CDH13: variants seen among roughly 807,000 people sequenced by gnomAD.
The protein encoded by CDH13 is cadherin-13.
In CDH13, 24 loss-of-function variants were observed where a neutral mutation model predicts 63.8. That is an observed-to-expected ratio of 0.38 (90% CI 0.27 to 0.53). The LOEUF (loss-of-function observed/expected upper bound fraction) is 0.53, where lower values mean the gene tolerates loss of function less well. Ranked by LOEUF, CDH13 falls within the 20% of genes least tolerant of loss-of-function variation. CDH13 has a pLI of 0.85. For synonymous variants in CDH13, 503 were observed against 355.3 expected, an observed-to-expected ratio of 1.42 and a Z score of -4.67; for missense variants, 1,049 against 903.1, an observed-to-expected ratio of 1.16 and a Z score of -2.07.
chr16:83,083,411 A>C (rs551293301), intron 3 of CDH13, among the ~76,000 whole-genome samples: 1 of 152,350 alleles, frequency 6.6e-6, no homozygotes, highest in Admixed American at 6.5e-5. Flanking sequence ...ACAAGTGAAC[A>C]CAATTCCAAT....
intron 5 of CDH13, among the ~76,000 whole-genome samples, chr16:83,244,225 G>T (rs914018464): frequency 2.0e-5 from 3 of 151,950 alleles, no homozygotes; most frequent in Non-Finnish European, 1.5e-5. Context: ...GCTCCAAGAG[G>T]GCTGAGACTG....
intron 2 of CDH13, among the ~76,000 whole-genome samples, chr16:83,020,654 G>A (rs1021481597): frequency 6.6e-6 from 1 of 152,180 alleles, no homozygotes; most frequent in African/African-American, 2.4e-5. Flanking sequence ...CTGAACTATG[G>A]ATCCATGGGG....
In CDH13 at chr16:83,779,926, C is replaced by T. The variant is rs767725811; in HGVS notation, c.1682-42C>T. ...AAAGTGCTATGGTAAATTGCTCTCGCATATACCAGTTGCATACCAACATCT... is the reference window on the plus strand; with the variant it reads ...AAAGTGCTATGGTAAATTGCTCTCGTATATACCAGTTGCATACCAACATCT... On this transcript the variant is annotated intron_variant, in intron 11 of 13. Coordinates refer to ENST00000567109, the MANE Select transcript of CDH13 (RefSeq NM_001257.5). 9 of 1,342,006 alleles carry T rather than the reference C, an allele frequency of 6.7e-6. No individual in the cohort carries two copies. In the South Asian group the frequency reaches 1.1e-4, roughly 16 times the overall value. The allele number at this position is 1,342,006 out of a possible 1,614,324, so 83.1% of individuals were successfully genotyped here.
At chr16:83,120,611 G>C (rs1040229972) in intron 3 of CDH13, among the ~76,000 whole-genome samples, 1 of 151,936 alleles carries the variant, frequency 6.6e-6, no homozygotes, top group Admixed American at 6.6e-5. Context: ...CTCATCTGAG[G>C]CTCAAGATAT....
At chr16:83,379,642 T>G (rs1224739191) in intron 6 of CDH13, among the ~76,000 whole-genome samples, 1 of 152,056 alleles carries the variant, frequency 6.6e-6, no homozygotes, top group Non-Finnish European at 1.5e-5. Context: ...GCTCCTGGTT[T>G]ATCAGTTACA....
chr16:83,430,707 T>A (rs1196292519), intron 6 of CDH13, among the ~76,000 whole-genome samples: 1 of 152,210 alleles, frequency 6.6e-6, no homozygotes, highest in Non-Finnish European at 1.5e-5. Flanking sequence ...GGATCTGAAA[T>A]TATTCCTATA....
At chr16:82,715,854 A>T (rs777142642) in intron 1 of CDH13, among the ~76,000 whole-genome samples, 6 of 152,172 alleles carry the variant, frequency 3.9e-5, no homozygotes, top group Admixed American at 1.3e-4. Context: ...CTCTCAAAAC[A>T]TACCTGACTA....
chr16:83,511,319 A>C (rs1461834171), intron 7 of CDH13, among the ~76,000 whole-genome samples: 1 of 152,146 alleles, frequency 6.6e-6, no homozygotes, highest in Non-Finnish European at 1.5e-5. Context: ...AAATTTAGCC[A>C]GGTGTAGTGG....
At chr16:82,994,017 T>A (rs1911936705) in intron 2 of CDH13, among the ~76,000 whole-genome samples, 1 of 152,170 alleles carries the variant, frequency 6.6e-6, no homozygotes, top group South Asian at 2.1e-4. Flanking sequence ...AACGGAAATG[T>A]CTTCTGCAGA....
chr16:82,777,713 A>G (rs549983879), intron 1 of CDH13, among the ~76,000 whole-genome samples: 5 of 152,294 alleles, frequency 3.3e-5, no homozygotes, highest in East Asian at 1.9e-4. Context: ...CAAGGTGTCA[A>G]CTGAGGCAGC....
intron 6 of CDH13, among the ~76,000 whole-genome samples, chr16:83,403,039 C>T (rs1046661764): frequency 3.3e-5 from 5 of 152,160 alleles, no homozygotes; most frequent in Admixed American, 2.6e-4. Flanking sequence ...ATATTTAACA[C>T]CCTCAGCTGC....
chr16:82,878,868 AT>A (rs2040596254), intron 2 of CDH13, among the ~76,000 whole-genome samples: 1 of 152,058 alleles, frequency 6.6e-6, no homozygotes, highest in South Asian at 2.1e-4. Flanking sequence ...ATCAGGACTG[AT>A]TTTACTGAGC....
intron 1 of CDH13, among the ~76,000 whole-genome samples, chr16:82,630,297 G>A (rs887316852): frequency 9.2e-5 from 14 of 152,298 alleles, no homozygotes; most frequent in South Asian, 2.1e-4. Context: ...AATATGTAGT[G>A]AAAGGAGTCA....
chr16:82,939,062 G>A (rs1318749269), intron 2 of CDH13, among the ~76,000 whole-genome samples: 1 of 152,168 alleles, frequency 6.6e-6, no homozygotes. Context: ...GTGAAGTGGG[G>A]TGCAGTCTGA....
intron 8 of CDH13, among the ~76,000 whole-genome samples, chr16:83,667,087 T>TGATGGATG (rs5818464): frequency 2.2e-4 from 32 of 144,818 alleles, no homozygotes; most frequent in Admixed American, 4.8e-4. Flanking sequence ...GATAGATGGA[T>TGATGGATG]GATGGATGGA....
chr16:83,653,927 G>T (rs1191887421), intron 8 of CDH13, among the ~76,000 whole-genome samples: 7 of 152,194 alleles, frequency 4.6e-5, no homozygotes, highest in Non-Finnish European at 1.0e-4. Flanking sequence ...GGGATTGAAG[G>T]CTTGGATAGG....
intron 2 of CDH13, among the ~76,000 whole-genome samples, chr16:82,979,250 CTA>C (rs1315915187): frequency 6.6e-6 from 1 of 152,138 alleles, no homozygotes; most frequent in East Asian, 1.9e-4. Flanking sequence ...TCAGATGAGA[CTA>C]TGGACTTGGA....
chr16:83,469,294 G>T (rs2073396033), intron 6 of CDH13, among the ~76,000 whole-genome samples: 1 of 152,142 alleles, frequency 6.6e-6, no homozygotes, highest in Admixed American at 6.5e-5. Context: ...ATTTGAAGAT[G>T]GCCAGTGTTG....
At chr16:82,930,990 A>G (rs935041636) in intron 2 of CDH13, among the ~76,000 whole-genome samples, 3 of 152,222 alleles carry the variant, frequency 2.0e-5, no homozygotes, top group African/African-American at 4.8e-5. Context: ...GTTTTACAGG[A>G]CAGAAAAGTT....
Sources: gnomAD v4.1 joint callset for allele counts (sites outside exome capture counted in the v4.1 genomes callset) on GRCh38, gnomAD v4.1.1 for gene constraint, MANE v1.5 for transcripts, NCBI Gene and HGNC (gene_info 2026-07-23, HGNC 2026-07-21) for gene names.